Variants in HMGCL observed in about 807,000 individuals in gnomAD.
The protein encoded by HMGCL is hydroxymethylglutaryl-CoA lyase, mitochondrial.
A neutral mutation model predicts 37.3 loss-of-function variants in HMGCL; 26 were observed. The ratio of observed to expected loss-of-function variants is 0.70; its 90% CI spans 0.51 to 0.97. The LOEUF is 0.97. Among genes scored for constraint, HMGCL ranks in the 50% least tolerant of loss-of-function variants. The probability of loss-of-function intolerance (pLI) is 0.00; values close to 1 mark genes in which losing one functional copy is unlikely to be tolerated. For missense variants in HMGCL, 379 were observed against 398.1 expected (o/e 0.95, Z 0.41); for synonymous variants, 151 against 148.0 (o/e 1.02, Z -0.15).
chr1:23,815,213 A>C (rs1196658003), intron 4 of HMGCL, among the ~76,000 whole-genome samples: 3 of 152,036 alleles, frequency 2.0e-5, no homozygotes, highest in South Asian at 2.1e-4. Context: ...TCTAAAAAAA[A>C]CAAAAACAAA....
Position 23,817,596 on chromosome 1 carries a change from G to T in HMGCL, c.145-13C>A. 6.5e-7 allele frequency: 1 copy of T among 1,527,498 alleles called. No individual in the cohort carries two copies. Among genetic ancestry groups the T allele is most frequent in the Non-Finnish European group, 9.1e-7 (1 of 1,101,880 alleles). 94.6% of individuals were successfully genotyped at this position (1,527,498 alleles called of 1,614,324 possible). A position where few individuals can be genotyped will look rare whatever the true frequency, so the allele number is the denominator to read the frequency against. On this transcript the variant is annotated splice_polypyrimidine_tract_variant and intron_variant, in intron 2 of 8. Coordinates refer to ENST00000374490, the MANE Select transcript of HMGCL (RefSeq NM_000191.3). The stretch of plus-strand genomic sequence containing the variant: ...TAGATACGATATTCTATAGTGGAGA[G>T]AGAAACACCAAGGCAGCAAAGTTAG...
intron 2 of HMGCL, among the ~76,000 whole-genome samples, chr1:23,819,943 T>A (rs563988903): frequency 1.3e-5 from 2 of 152,146 alleles, no homozygotes; most frequent in Admixed American, 6.6e-5. Flanking sequence ...TATTTCATTT[T>A]ATAAAAAGTC....
At chr1:23,815,619 C>T (rs1436477511) in intron 4 of HMGCL, among the ~76,000 whole-genome samples, 1 of 151,702 alleles carries the variant, frequency 6.6e-6, no homozygotes, top group African/African-American at 2.4e-5. Context: ...CCTCAGCCTC[C>T]TGAGTAGCTA....
rs942596035 is a variant in HMGCL at position 23,808,443 on chromosome 1, A to G, written c.562-120T>C. 6 of 810,140 alleles carry G rather than the reference A, an allele frequency of 7.4e-6. No homozygotes were observed. The Admixed American group carries it at 1.1e-4, about 14-fold the overall frequency. The allele number at this position is 810,140 out of a possible 1,614,324, so 50.2% of individuals were successfully genotyped here. ...TCTGGGTATGACGCACTCAGTTCCT[A>G]CTGGATTACATGCTCCTCACCACTC... On this transcript the variant is annotated intron_variant, in intron 6 of 8. Transcript: ENST00000374490.
chr1:23,820,622 A>G, intron 1 of HMGCL, 29 bp from the exon 2 acceptor site: 1 of 1,511,430 alleles, frequency 6.6e-7, no homozygotes, highest in Non-Finnish European at 9.2e-7. Context: ...AACAAAAAGT[A>G]TGAGGAAGAG....
chr1:23,820,411 ATC>A (rs1172788957), intron 2 of HMGCL, 97 bp downstream of exon 2: 1 of 851,698 alleles, frequency 1.2e-6, no homozygotes, highest in Non-Finnish European at 2.0e-6. Context: ...GAGGAATCAC[ATC>A]TTGCATAGCT....
intron 4 of HMGCL, among the ~76,000 whole-genome samples, chr1:23,815,079 C>T (rs770574455): frequency 1.3e-5 from 2 of 151,948 alleles, no homozygotes; most frequent in African/African-American, 4.8e-5. Flanking sequence ...TGGTGGCACA[C>T]GCCTGTAGTC....
In HMGCL at chr1:23,822,359, T is replaced by C. The variant is rs138394469; in HGVS notation, c.61-1766A>G. 1.4e-4 allele frequency among the ~76,000 whole-genome samples: 22 copies of C among 152,316 alleles called. No individual in the cohort carries two copies. The East Asian group carries it at 4.0e-3, about 28-fold the overall frequency. On this transcript the variant is annotated intron_variant, in intron 1 of 8. Transcript: ENST00000374490. ...CAAAATGCCCTGAGTCTCCTCTATATAAAGTCAGCTCAAAATCTTAGTCTT... is the reference window on the plus strand; with the variant it reads ...CAAAATGCCCTGAGTCTCCTCTATACAAAGTCAGCTCAAAATCTTAGTCTT...
chr1:23,821,144 C>T (rs373697470), intron 1 of HMGCL, among the ~76,000 whole-genome samples: 1 of 152,104 alleles, frequency 6.6e-6, no homozygotes. Flanking sequence ...CACTTGAGGT[C>T]GGGAGTTTGA....
At chr1:23,807,300 G>C (rs373375216) in intron 7 of HMGCL, 49 of 515,104 alleles carry the variant, frequency 9.5e-5, no homozygotes, top group African/African-American at 8.3e-4. Context: ...AAAATGAGGA[G>C]ACCACAGAAC....
chr1:23,802,693 A>G, intron 8 of HMGCL, 129 bp from the exon 9 acceptor site: 1 of 714,662 alleles, frequency 1.4e-6, no homozygotes, highest in Non-Finnish European at 2.5e-6. Flanking sequence ...TTTCCTTGAC[A>G]GCGGGGCACC....
chr1:23,804,567 CAA>C (rs750836382), intron 7 of HMGCL, 42 bp from the exon 8 acceptor site: 109 of 1,611,614 alleles, frequency 6.8e-5, no homozygotes, highest in Middle Eastern at 6.6e-4. Context: ...TTGCTGGGGA[CAA>C]GAGGCCACAG....
intron 3 of HMGCL, 106 bp from the exon 4 acceptor site, chr1:23,816,876 C>T (rs1032372394): frequency 1.0e-5 from 8 of 773,550 alleles, no homozygotes; most frequent in Middle Eastern, 2.2e-4. Flanking sequence ...GAACTCTTAG[C>T]GAGTAATTCC....
At position 23,814,290 on chromosome 1, in the gene HMGCL, G is replaced by C; in HGVS notation, c.397C>G (p.Leu133Val). The C allele has an allele frequency of 6.2e-7, 1 of 1,613,994 alleles. No homozygotes were observed. Among genetic ancestry groups the C allele is most frequent in the Non-Finnish European group, 8.5e-7 (1 of 1,179,932 alleles). Residue 133 changes from leucine (L) to valine (V), a missense_variant, in exon 5 of 9, where the codon CTC (leucine) becomes GTC (valine). By Grantham distance (32) the Leu-to-Val change is conservative (BLOSUM62 1). Coordinates refer to ENST00000374490, the MANE Select transcript of HMGCL (RefSeq NM_000191.3). Reference sequence around the variant, plus strand: ...CAATTGATGTTCTTCTTGGTGAAGAGCTCTGAGGCAGCTCCAAAGATGACT... The same window carrying C: ...CAATTGATGTTCTTCTTGGTGAAGACCTCTGAGGCAGCTCCAAAGATGACT... ...EVVIFGAASE[L>V]FTKKNINCSI...
intron 1 of HMGCL, among the ~76,000 whole-genome samples, chr1:23,823,179 C>CAAAAA (rs60736552): frequency 1.3e-4 from 5 of 37,224 alleles, no homozygotes; most frequent in Admixed American, 5.5e-4. Flanking sequence ...TTCTTCATCT[C>CAAAAA]AAAAAAAAAA....
At chr1:23,816,381 C>T (rs2148423586) in intron 4 of HMGCL, 1 of 444,728 alleles carries the variant, frequency 2.2e-6, no homozygotes, top group East Asian at 4.7e-5. Context: ...AAAGAGCTAA[C>T]ATTTATTAAG....
Position 23,802,075 on chromosome 1 carries a change from C to T in HMGCL, c.*388G>A, listed in dbSNP as rs145874467. Reference sequence around the variant, plus strand: ...CTGAGAAGTCAGAGAGCAAGGGCCCCACGGCCATGGCAGGGTGGAGCCGTG... The same window carrying T: ...CTGAGAAGTCAGAGAGCAAGGGCCCTACGGCCATGGCAGGGTGGAGCCGTG... On this transcript the variant is annotated 3_prime_UTR_variant, in exon 9 of 9. Coordinates refer to ENST00000374490, the MANE Select transcript of HMGCL (RefSeq NM_000191.3). 55 of 492,212 alleles carry T rather than the reference C, an allele frequency of 1.1e-4. No individual in the cohort carries two copies. In the East Asian group the frequency reaches 1.6e-3, roughly 15 times the overall value. The allele number at this position is 492,212 out of a possible 1,614,324, so 30.5% of individuals were successfully genotyped here. A position where few individuals can be genotyped will look rare whatever the true frequency, so the allele number is the denominator to read the frequency against.
At chr1:23,804,189 C>A in intron 8 of HMGCL, 1 of 639,772 alleles carries the variant, frequency 1.6e-6, no homozygotes, top group Non-Finnish European at 2.8e-6. Context: ...TAGCTCACTG[C>A]AGCCTCAAAC....
chr1:23,806,479 C>G lies in HMGCL; in HGVS notation c.750+1656G>C, dbSNP rs1638412191. On this transcript the variant is annotated intron_variant, in intron 7 of 8. Coordinates refer to ENST00000374490, the MANE Select transcript of HMGCL (RefSeq NM_000191.3). The surrounding 1 kb of genome is among the most constrained non-coding windows in gnomAD (Gnocchi z 4.0). ...CAGCAAGCACACTCCTCCCTCAGGG[C>G]TCTGCGCCTGCTTTCCTGGGTGGGG... is the stretch of plus-strand genomic sequence containing the variant. Among the ~76,000 whole-genome samples the G allele has an allele frequency of 6.6e-6, 1 of 152,186 alleles. No individual in the cohort carries two copies. The highest frequency in any genetic ancestry group is 2.1e-4 in the South Asian group (1 of 4,832).
Sources: gnomAD v4.1 joint callset for allele counts (sites outside exome capture counted in the v4.1 genomes callset) on GRCh38, gnomAD v4.1.1 for gene constraint, Gnocchi (gnomAD v3.1) non-coding constraint, MANE v1.5 for transcripts, NCBI Gene and HGNC (gene_info 2026-07-23, HGNC 2026-07-21) for gene names.